Variants in COPZ2 observed in about 807,000 individuals in gnomAD.
The protein encoded by COPZ2 is coat protein complex I subunit zeta 2.
COPZ2 carries 30 observed loss-of-function variants against 33.2 expected under a neutral mutation model. That is an observed-to-expected ratio of 0.90 (90% CI 0.68 to 1.23). The LOEUF (loss-of-function observed/expected upper bound fraction) is 1.23. Among genes scored for constraint, COPZ2 ranks in the 50% most tolerant of loss-of-function variants. The pLI, the probability that COPZ2 is intolerant of heterozygous loss-of-function variation, is 0.00. For synonymous variants in COPZ2, 89 were observed against 102.6 expected (o/e 0.87, Z 0.80); for missense variants, 263 against 262.4 (o/e 1.00, Z -0.02).
chr17:48,032,568 T>C (rs1020026030), intron 5 of COPZ2, 118 bp downstream of exon 5: 30 of 873,400 alleles, frequency 3.4e-5, no homozygotes, highest in Admixed American at 1.2e-4. Context: ...ACTGTGAACT[T>C]TTCTTTTTGG....
At chr17:48,033,136 C>T (rs1410595018) in intron 4 of COPZ2, 75 bp downstream of exon 4, 12 of 1,075,638 alleles carry the variant, frequency 1.1e-5, no homozygotes, top group Admixed American at 2.0e-5. Context: ...AGGTCCCAGC[C>T]TCAAGCCCAG....
intron 8 of COPZ2, among the ~76,000 whole-genome samples, chr17:48,026,814 G>T (rs1033583788): frequency 6.6e-6 from 1 of 152,262 alleles, no homozygotes; most frequent in African/African-American, 2.4e-5. Flanking sequence ...ACGGGGCCCA[G>T]GCCTGACACT....
At chr17:48,036,009 C>T (rs962449429) in intron 2 of COPZ2, among the ~76,000 whole-genome samples, 1 of 152,170 alleles carries the variant, frequency 6.6e-6, no homozygotes, top group Non-Finnish European at 1.5e-5. Flanking sequence ...CCCGCCTTGG[C>T]CTCCCAAAGT....
rs2036852008 is a variant in COPZ2, at chr17:48,028,858, G to A, written c.546+267C>T. On this transcript the variant is annotated intron_variant, in intron 7 of 8. Transcript: ENST00000621465. This position sits in a 1 kb window ranked among gnomAD's most constrained non-coding sequence, Gnocchi z 4.5. ...AGCCACCTAGTGCCTCTTTGAAGAT[G>A]TATTTATTTCCCCAGTCTATACTTC... 6.6e-6 allele frequency among the ~76,000 whole-genome samples: 1 copy of A among 152,150 alleles called. No individual in the cohort carries two copies. The highest frequency in any genetic ancestry group is 2.1e-4 in the South Asian group (1 of 4,826).
chr17:48,045,979 T>C, the COPZ2 span: 2 of 152,160 alleles, frequency 1.3e-5, no homozygotes, highest in African/African-American at 4.8e-5. Flanking sequence ...TGGAAGACAG[T>C]CTTTCTGTCT....
intron 8 of COPZ2, among the ~76,000 whole-genome samples, chr17:48,027,484 G>A (rs540273098): frequency 2.6e-5 from 4 of 152,276 alleles, no homozygotes; most frequent in African/African-American, 4.8e-5. Flanking sequence ...GGTAGAACAC[G>A]TACCCTGGGA....
At chr17:48,031,062 T>G (rs1002710821) in intron 6 of COPZ2, among the ~76,000 whole-genome samples, 2 of 152,200 alleles carry the variant, frequency 1.3e-5, no homozygotes, top group Non-Finnish European at 2.9e-5. Context: ...CCTAGCTGTG[T>G]GAGAGACCTC....
At chr17:48,042,644 T>G (rs1029770108), upstream of COPZ2, among the ~76,000 whole-genome samples, 6 of 151,680 alleles carry the variant, frequency 4.0e-5, no homozygotes, top group Admixed American at 6.6e-5. Context: ...GTATTTTTAG[T>G]AGAGACGGGG....
the COPZ2 span, among the ~76,000 whole-genome samples, chr17:48,044,598 G>A: frequency 6.6e-6 from 1 of 151,958 alleles, no homozygotes; most frequent in Non-Finnish European, 1.5e-5. Context: ...CTACCCACCT[G>A]GGTGATTCTA....
rs1313670287 is a variant in COPZ2 at position 48,033,861 on chromosome 17, A to C, written c.268+2T>G. The C allele has an allele frequency of 2.5e-6, 4 of 1,602,104 alleles. No homozygotes were observed. The highest frequency in any genetic ancestry group is 3.4e-6 in the Non-Finnish European group (4 of 1,172,168). The stretch of plus-strand genomic sequence containing the variant: ...CTGCTGGAGGAAGAGGGGGACACTT[A>C]CTCTCAGTCCGGCTGGTCTTGTTGA... On this transcript the variant is annotated splice_donor_variant, in intron 3 of 8. Coordinates refer to ENST00000621465, the MANE Select transcript of COPZ2 (RefSeq NM_016429.4). LOFTEE classifies it high-confidence loss of function.
chr17:48,041,020 C>T (rs1380492726), upstream of COPZ2, among the ~76,000 whole-genome samples: 2 of 151,482 alleles, frequency 1.3e-5, no homozygotes, highest in South Asian at 2.1e-4. Context: ...GGCATGGTGG[C>T]GAGTGCCTGT....
rs1244982504 is a variant in COPZ2, at chr17:48,037,785, G to T, written c.-8C>A. On this transcript the variant is annotated 5_prime_UTR_variant, in exon 1 of 9. Transcript: ENST00000621465. This position sits in a 1 kb window ranked among gnomAD's most constrained non-coding sequence, Gnocchi z 5.6. ...GGCCTCGGGCCGCTGCATTCCGCTC[G>T]CCGCCTCGCACTGACAGCGCCGCCC... The T allele has an allele frequency of 1.0e-6, 1 of 998,740 alleles. No individual in the cohort carries two copies. Among genetic ancestry groups the T allele is most frequent in the Admixed American group, 6.3e-5 (1 of 15,926 alleles). The allele number at this position is 998,740 out of a possible 1,614,324, so 61.9% of individuals were successfully genotyped here.
At chr17:48,027,233 C>T (rs2036829993) in intron 8 of COPZ2, among the ~76,000 whole-genome samples, 2 of 152,254 alleles carry the variant, frequency 1.3e-5, no homozygotes, top group Non-Finnish European at 2.9e-5. Context: ...CCATTGGCTA[C>T]CTGTAGCTTC....
Position 48,028,601 on chromosome 17 carries a change from G to C in COPZ2, c.547-91C>G. The C allele has an allele frequency of 8.1e-7, 1 of 1,232,758 alleles. No individual in the cohort carries two copies. 76.4% of individuals were successfully genotyped at this position (1,232,758 alleles called of 1,614,324 possible). A position where few individuals can be genotyped will look rare whatever the true frequency, so the allele number is the denominator to read the frequency against. Reference sequence around the variant, plus strand: ...AGGAAAGGGGCTTGGGGGTATGGGTGAGGTGGTGCAGTGGTTAGGGTGATT... The same window carrying C: ...AGGAAAGGGGCTTGGGGGTATGGGTCAGGTGGTGCAGTGGTTAGGGTGATT... On this transcript the variant is annotated intron_variant, in intron 7 of 8. Transcript: ENST00000621465. The surrounding 1 kb of genome is among the most constrained non-coding windows in gnomAD (Gnocchi z 4.5).
chr17:48,042,525 G>A (rs1024789330), upstream of COPZ2, among the ~76,000 whole-genome samples: 1 of 152,104 alleles, frequency 6.6e-6, no homozygotes, highest in Admixed American at 6.5e-5. Flanking sequence ...GCAGTAGCAC[G>A]ATCTCGGCTC....
In COPZ2 at chr17:48,028,012, AT is replaced by A. The variant is rs1314879378; in HGVS notation, c.585+459del. ...TGAGTGGGGAAAGTCAGATCCTATC[AT>A]GGGTTTGAGAGTCCCTTAACAATCC... On this transcript the variant is annotated intron_variant, in intron 8 of 8. Coordinates refer to ENST00000621465, the MANE Select transcript of COPZ2 (RefSeq NM_016429.4). The surrounding 1 kb of genome is among the most constrained non-coding windows in gnomAD (Gnocchi z 4.5). Among the ~76,000 whole-genome samples the A allele has an allele frequency of 1.2e-4, 18 of 152,204 alleles. No homozygotes were observed. Among genetic ancestry groups the A allele is most frequent in the Middle Eastern group, 3.2e-3 (1 of 316 alleles).
the COPZ2 span, chr17:48,046,357 G>A: frequency 6.6e-6 from 1 of 152,238 alleles, no homozygotes; most frequent in South Asian, 2.1e-4. Context: ...TGCCCAGACT[G>A]GCACCATCAT....
upstream of COPZ2, among the ~76,000 whole-genome samples, chr17:48,040,250 T>A (rs1044059704): frequency 6.6e-6 from 1 of 151,780 alleles, no homozygotes; most frequent in Non-Finnish European, 1.5e-5. Context: ...TATTATTATT[T>A]TTTTTAAAGG....
chr17:48,046,291 G>A, the COPZ2 span: 2 of 152,184 alleles, frequency 1.3e-5, no homozygotes, highest in African/African-American at 4.8e-5. Context: ...CACTGTAGTT[G>A]AGCCTTTATA....
Sources: allele counts gnomAD v4.1 joint callset (sites outside exome capture counted in the v4.1 genomes callset), GRCh38; gene constraint gnomAD v4.1.1; non-coding constraint Gnocchi (gnomAD v3.1); transcripts MANE v1.5; gene names NCBI Gene and HGNC (gene_info 2026-07-23, HGNC 2026-07-21).